Variants in ROBO2 observed in about 807,000 individuals in gnomAD.
ROBO2 encodes the protein roundabout guidance receptor 2, also known as roundabout homolog 2.
In ROBO2, 53 loss-of-function variants were observed where a neutral mutation model predicts 160.8. The observed-to-expected ratio is 0.33, with a 90% CI of 0.26 to 0.41. The LOEUF (loss-of-function observed/expected upper bound fraction) is 0.41, where lower values mean the gene tolerates loss of function less well. Ranked by LOEUF, ROBO2 falls within the 10% of genes least tolerant of loss-of-function variation. ROBO2 has a pLI of 1.00. For missense variants in ROBO2, 1,577 were observed against 1,722.4 expected (o/e 0.92, Z 1.49); for synonymous variants, 664 against 611.7 (o/e 1.09, Z -1.26).
chr3:76,450,051 C>A (rs1246933552), intron 2 of ROBO2, among the ~76,000 whole-genome samples: 1 of 152,086 alleles, frequency 6.6e-6, no homozygotes, highest in Non-Finnish European at 1.5e-5. Flanking sequence ...AACATTGTTT[C>A]TATTGTAACA....
chr3:77,302,012 C>T (rs1364188831), intron 2 of ROBO2, among the ~76,000 whole-genome samples: 1 of 152,086 alleles, frequency 6.6e-6, no homozygotes, highest in Non-Finnish European at 1.5e-5. Flanking sequence ...AAGCAATCCT[C>T]CTGCCTCAGC....
At chr3:76,475,040 T>C (rs995637427) in intron 2 of ROBO2, among the ~76,000 whole-genome samples, 1 of 151,984 alleles carries the variant, frequency 6.6e-6, no homozygotes, top group Non-Finnish European at 1.5e-5. Context: ...GAGGACAGTT[T>C]GCCCACCAAG....
At chr3:77,003,020 G>A (rs1162495678) in intron 2 of ROBO2, among the ~76,000 whole-genome samples, 1 of 152,104 alleles carries the variant, frequency 6.6e-6, no homozygotes, top group Non-Finnish European at 1.5e-5. Context: ...AAAGGAGAAA[G>A]CAAGCTATCT....
chr3:76,986,547 T>C lies in ROBO2; in HGVS notation c.110-111467T>C, dbSNP rs565188173. On this transcript the variant is annotated intron_variant, in intron 2 of 26. Coordinates refer to the ROBO2 transcript ENST00000487694. The stretch of plus-strand genomic sequence containing the variant: ...TCTTGACTTTCAGGGGGGAAAGTTA[T>C]ATTATTTTGTAATTATCACCAAAAT... Among the ~76,000 whole-genome samples, 18 of 152,266 alleles carry C rather than the reference T, an allele frequency of 1.2e-4. No individual in the cohort carries two copies. The South Asian group carries it at 2.7e-3, about 23-fold the overall frequency.
At chr3:77,436,758 T>C (rs1257019990) in intron 2 of ROBO2, among the ~76,000 whole-genome samples, 2 of 151,906 alleles carry the variant, frequency 1.3e-5, no homozygotes, top group African/African-American at 4.8e-5. Context: ...ATATTTGGGA[T>C]TTCCTTATCT....
At chr3:77,316,930 T>A (rs2064054885) in intron 2 of ROBO2, 1 of 1,249,526 alleles carries the variant, frequency 8.0e-7, no homozygotes, top group Admixed American at 1.7e-5. Context: ...GTCAGTCTGA[T>A]ACTTGGCTGC....
At chr3:76,328,908 T>TATATA (rs1553708110) in intron 2 of ROBO2, among the ~76,000 whole-genome samples, 1 of 136,026 alleles carries the variant, frequency 7.4e-6, no homozygotes, top group Non-Finnish European at 1.6e-5. Context: ...ATTTATGTTA[T>TATATA]TATATATATA....
In ROBO2 at chr3:76,656,326, A is replaced by AACATTATTAT. The variant is rs1431748786; in HGVS notation, c.110-441686_110-441677dup. Among the ~76,000 whole-genome samples, 3 of 152,274 alleles carry AACATTATTAT rather than the reference A, an allele frequency of 2.0e-5. No homozygotes were observed. The East Asian group carries it at 5.8e-4, about 29-fold the overall frequency. On this transcript the variant is annotated intron_variant, in intron 2 of 26. Transcript: ENST00000487694. ...TGTTTATATTTTGTGTTCCCATCAA[A>AACATTATTAT]ACATTATTATATCCTTCGTTCCCTG...
In ROBO2 at chr3:77,374,169, C is replaced by CAAA. The variant is rs60357417; in HGVS notation, c.389-103213_389-103211dup. 2.5e-3 allele frequency among the ~76,000 whole-genome samples: 101 copies of CAAA among 40,106 alleles called. 7 individuals carry two copies. The highest frequency in any genetic ancestry group is 9.2e-3 in the African/African-American group (62 of 6,758). 26.3% of individuals were successfully genotyped at this position (40,106 alleles called of 152,430 possible). ...CAGGCCGACAACAGCGAGACTCCATCAAAAAAAAAAAAAAAAAAAAAAAAA... is the reference window on the plus strand; with the variant it reads ...CAGGCCGACAACAGCGAGACTCCATCAAAAAAAAAAAAAAAAAAAAAAAAAAAA... On this transcript the variant is annotated intron_variant, in intron 2 of 25. Transcript: ENST00000461745.
intron 2 of ROBO2, among the ~76,000 whole-genome samples, chr3:76,305,757 T>G (rs913226245): frequency 6.9e-6 from 1 of 144,232 alleles, no homozygotes; most frequent in Non-Finnish European, 1.5e-5. Flanking sequence ...GGACTCCATA[T>G]AAAAAAAAAA....
At chr3:76,447,369 G>C (rs4293709) in intron 2 of ROBO2, among the ~76,000 whole-genome samples, 1 of 150,570 alleles carries the variant, frequency 6.6e-6, no homozygotes, top group Non-Finnish European at 1.5e-5. Context: ...TTAGAATGGC[G>C]ATCATTAAAA....
intron 2 of ROBO2, among the ~76,000 whole-genome samples, chr3:76,836,867 G>T (rs550425892): frequency 6.6e-6 from 1 of 151,750 alleles, no homozygotes; most frequent in Non-Finnish European, 1.5e-5. Context: ...GCTGTTGGGT[G>T]GAGTGTTCTG....
intron 2 of ROBO2, among the ~76,000 whole-genome samples, chr3:76,417,747 T>G (rs1367735070): frequency 6.6e-6 from 1 of 152,052 alleles, no homozygotes; most frequent in African/African-American, 2.4e-5. Context: ...ACCAAACTAT[T>G]ACATTAAGAA....
chr3:76,875,986 A>C (rs1273485116), intron 2 of ROBO2, among the ~76,000 whole-genome samples: 1 of 151,988 alleles, frequency 6.6e-6, no homozygotes, highest in Non-Finnish European at 1.5e-5. Flanking sequence ...CTATGATTAC[A>C]TTGGGCCCAC....
At chr3:76,499,422 G>T (rs2080339167) in intron 2 of ROBO2, among the ~76,000 whole-genome samples, 1 of 152,132 alleles carries the variant, frequency 6.6e-6, no homozygotes, top group African/African-American at 2.4e-5. Flanking sequence ...CTATCCCAAT[G>T]TCCAACCTCT....
At chr3:76,798,308 G>GAAAGAAAGAAAGAA (rs1386837917) in intron 2 of ROBO2, among the ~76,000 whole-genome samples, 2 of 149,348 alleles carry the variant, frequency 1.3e-5, no homozygotes, top group Non-Finnish European at 3.0e-5. Flanking sequence ...AAGAAAGAAA[G>GAAAGAAAGAAAGAA]AAAGAAAAAA....
intron 2 of ROBO2, among the ~76,000 whole-genome samples, chr3:75,982,592 T>A (rs527794311): frequency 2.0e-5 from 3 of 151,622 alleles, no homozygotes; most frequent in Middle Eastern, 3.4e-3. Flanking sequence ...TATATTTAAA[T>A]TTTTAAAGCC....
intron 2 of ROBO2, among the ~76,000 whole-genome samples, chr3:76,282,302 G>A (rs777166175): frequency 3.6e-4 from 54 of 152,062 alleles, no homozygotes; most frequent in Non-Finnish European, 6.9e-4. Context: ...GCTGTATAAA[G>A]TGTCAATCAT....
intron 2 of ROBO2, among the ~76,000 whole-genome samples, chr3:77,343,622 G>C (rs895452451): frequency 4.6e-5 from 7 of 152,118 alleles, no homozygotes; most frequent in Admixed American, 1.3e-4. Flanking sequence ...CTCCTAGCTG[G>C]CAAGAAAGAC....
Sources: gnomAD v4.1 joint callset for allele counts (sites outside exome capture counted in the v4.1 genomes callset) on GRCh38, gnomAD v4.1.1 for gene constraint, MANE v1.5 for transcripts, NCBI Gene and HGNC (gene_info 2026-07-23, HGNC 2026-07-21) for gene names.